ERC2: variants seen among roughly 807,000 people sequenced by gnomAD.
The protein encoded by ERC2 is ELKS/RAB6-interacting/CAST family member 2, also known as ERC protein 2.
A neutral mutation model predicts 114.8 loss-of-function variants in ERC2; 42 were observed. The ratio of observed to expected loss-of-function variants is 0.37; its 90% CI spans 0.29 to 0.47. The LOEUF (loss-of-function observed/expected upper bound fraction) is 0.47. Ranked by LOEUF, ERC2 falls within the 20% of genes least tolerant of loss-of-function variation. The probability of loss-of-function intolerance (pLI) is 0.99; values close to 1 mark genes in which losing one functional copy is unlikely to be tolerated. For synonymous variants in ERC2, 454 were observed against 425.5 expected, an observed-to-expected ratio of 1.07 and a Z score of -0.82; for missense variants, 939 against 1,150.7, an observed-to-expected ratio of 0.82 and a Z score of 2.66.
intron 14 of ERC2, among the ~76,000 whole-genome samples, chr3:55,737,211 T>A (rs1319417545): frequency 6.6e-6 from 1 of 152,200 alleles, no homozygotes; most frequent in Non-Finnish European, 1.5e-5. Flanking sequence ...TGGGCCCCAC[T>A]AATGCCTGGT....
intron 13 of ERC2, 110 bp from the exon 14 acceptor site, chr3:55,888,659 G>C: frequency 7.6e-7 from 1 of 1,310,458 alleles, no homozygotes; most frequent in Admixed American, 1.9e-5. Context: ...AGGGATCCTT[G>C]AACTGGGCCG....
intron 14 of ERC2, among the ~76,000 whole-genome samples, chr3:55,774,521 G>C (rs2068456896): frequency 6.6e-6 from 1 of 152,224 alleles, no homozygotes; most frequent in Admixed American, 6.5e-5. Context: ...CTGCTCTCTA[G>C]GTGTTCCAGT....
At chr3:55,721,130 G>A (rs1232701281) in intron 15 of ERC2, among the ~76,000 whole-genome samples, 1 of 152,186 alleles carries the variant, frequency 6.6e-6, no homozygotes, top group African/African-American at 2.4e-5. Flanking sequence ...ATTGTATCTT[G>A]ATGGGAAAGC....
chr3:56,074,181 C>T (rs1042252714), intron 7 of ERC2, among the ~76,000 whole-genome samples: 4 of 152,062 alleles, frequency 2.6e-5, no homozygotes, highest in African/African-American at 7.2e-5. Flanking sequence ...AGGAAAAACA[C>T]CAGAATAGTG....
chr3:56,305,625 A>T (rs2056174419), intron 2 of ERC2, among the ~76,000 whole-genome samples: 1 of 152,188 alleles, frequency 6.6e-6, no homozygotes, highest in South Asian at 2.1e-4. Context: ...GTTGATCAAT[A>T]AGAACTCCTA....
At chr3:56,393,618 A>G (rs895317352) in intron 2 of ERC2, among the ~76,000 whole-genome samples, 1 of 152,208 alleles carries the variant, frequency 6.6e-6, no homozygotes, top group Non-Finnish European at 1.5e-5. Context: ...TAAATCTGTC[A>G]TTGTCACTTC....
At chr3:56,112,466 CAT>C (rs1199810693) in intron 6 of ERC2, among the ~76,000 whole-genome samples, 232 of 145,554 alleles carry the variant, frequency 1.6e-3, no homozygotes, top group African/African-American at 5.5e-3. Context: ...CACACACACA[CAT>C]TGGCACACAC....
intron 4 of ERC2, among the ~76,000 whole-genome samples, chr3:56,162,815 C>T (rs896690364): frequency 2.5e-4 from 38 of 151,994 alleles, no homozygotes; most frequent in African/African-American, 8.7e-4. Context: ...TTCAAAGAAC[C>T]AATTTTTAGT....
rs921940536 is a variant in ERC2, at chr3:55,907,724, A to G, written c.2404-19175T>C. ...ACTTACCAGCTGTGTGACCTTGAGCAAGCCACTTACACTCTCTGGGCTTCT... is the reference window on the plus strand; with the variant it reads ...ACTTACCAGCTGTGTGACCTTGAGCGAGCCACTTACACTCTCTGGGCTTCT... On this transcript the variant is annotated intron_variant, in intron 13 of 17. Coordinates refer to ENST00000288221, the MANE Select transcript of ERC2 (RefSeq NM_015576.3). 2.6e-5 allele frequency among the ~76,000 whole-genome samples: 4 copies of G among 152,198 alleles called. No individual in the cohort carries two copies. The South Asian group carries it at 8.3e-4, about 31-fold the overall frequency.
intron 6 of ERC2, among the ~76,000 whole-genome samples, chr3:56,107,149 T>C (rs1487809106): frequency 6.6e-6 from 1 of 152,074 alleles, no homozygotes; most frequent in Non-Finnish European, 1.5e-5. Flanking sequence ...GCCAAGATAT[T>C]GAAGGGGGAA....
chr3:56,460,199 C>T (rs1213170424), intron 1 of ERC2, among the ~76,000 whole-genome samples: 2 of 152,216 alleles, frequency 1.3e-5, no homozygotes, highest in African/African-American at 4.8e-5. Context: ...GAAAGTGAGA[C>T]AGCTTAGAGC....
intron 7 of ERC2, among the ~76,000 whole-genome samples, chr3:56,076,400 C>T (rs2076979272): frequency 6.6e-6 from 1 of 151,036 alleles, no homozygotes; most frequent in Non-Finnish European, 1.5e-5. Context: ...GGGCATTATA[C>T]ACTTTCCAAA....
At chr3:55,591,525 C>T (rs1464998447) in intron 17 of ERC2, among the ~76,000 whole-genome samples, 2 of 151,902 alleles carry the variant, frequency 1.3e-5, no homozygotes, top group Admixed American at 6.6e-5. Flanking sequence ...GTTATTCAAG[C>T]AGGCCAGGAG....
chr3:56,078,389 C>G (rs1175136486), intron 7 of ERC2, among the ~76,000 whole-genome samples: 1 of 152,132 alleles, frequency 6.6e-6, no homozygotes, highest in South Asian at 2.1e-4. Context: ...CTATTCTGTA[C>G]ATGAATGTAC....
chr3:56,159,770 T>A (rs2081954494), intron 4 of ERC2, among the ~76,000 whole-genome samples: 1 of 152,198 alleles, frequency 6.6e-6, no homozygotes, highest in East Asian at 1.9e-4. Flanking sequence ...TGGTTTTCTG[T>A]TAATGTGTTA....
chr3:56,404,355 C>T (rs1343837284), intron 2 of ERC2, among the ~76,000 whole-genome samples: 1 of 152,096 alleles, frequency 6.6e-6, no homozygotes, highest in Middle Eastern at 3.2e-3. Context: ...TTGCCCTCAT[C>T]ATGCATATTA....
At chr3:55,882,310 C>A (rs2063152114) in intron 14 of ERC2, among the ~76,000 whole-genome samples, 1 of 152,218 alleles carries the variant, frequency 6.6e-6, no homozygotes. Context: ...TCACCAGAAG[C>A]AGATGCTGGC....
At chr3:55,731,652 G>C (rs1219768093) in intron 15 of ERC2, among the ~76,000 whole-genome samples, 1 of 152,182 alleles carries the variant, frequency 6.6e-6, no homozygotes, top group African/African-American at 2.4e-5. Context: ...GTCTCCTTAA[G>C]CATTATGGTA....
intron 13 of ERC2, among the ~76,000 whole-genome samples, chr3:55,947,865 G>A (rs1296071581): frequency 6.6e-6 from 1 of 152,150 alleles, no homozygotes; most frequent in Non-Finnish European, 1.5e-5. Flanking sequence ...CAGGCAGAAA[G>A]AACCAGACAT....
Sources: gnomAD v4.1 joint callset for allele counts (sites outside exome capture counted in the v4.1 genomes callset) on GRCh38, gnomAD v4.1.1 for gene constraint, MANE v1.5 for transcripts, NCBI Gene and HGNC (gene_info 2026-07-23, HGNC 2026-07-21) for gene names.